The following AATK variants were observed in gnomAD, a reference collection of about 807,000 sequenced individuals.
The protein encoded by AATK is lemur tail kinase 1, also known as serine/threonine-protein kinase LMTK1.
Under a neutral mutation model 114.3 loss-of-function variants are expected in AATK, and 91 were observed. The observed-to-expected ratio is 0.80, with a 90% CI of 0.67 to 0.95. AATK has a LOEUF of 0.95. Ranked by LOEUF, AATK falls within the 40% of genes least tolerant of loss-of-function variation. The pLI, the probability that AATK is intolerant of heterozygous loss-of-function variation, is 0.00. For synonymous variants in AATK, 1,075 were observed against 916.5 expected, an observed-to-expected ratio of 1.17 and a Z score of -3.12; for missense variants, 2,176 against 1,965.2, an observed-to-expected ratio of 1.11 and a Z score of -2.03.
chr17:81,126,292 G>A lies in AATK; in HGVS notation c.755+135C>T, dbSNP rs961590455. On this transcript the variant is annotated intron_variant, in intron 7 of 13. Transcript: ENST00000326724. This position sits in a 1 kb window ranked among gnomAD's most constrained non-coding sequence, Gnocchi z 5.1. ...ACGTCATAAAATCCCTCTGCATAGT[G>A]GTTGTCTGATGCTGCATGAGATGAA... 8.7e-6 allele frequency: 10 copies of A among 1,148,582 alleles called. No homozygotes were observed. The South Asian group carries it at 9.6e-5, about 11-fold the overall frequency. 71.1% of individuals were successfully genotyped at this position (1,148,582 alleles called of 1,614,324 possible). A position where few individuals can be genotyped will look rare whatever the true frequency, so the allele number is the denominator to read the frequency against.
At chr17:81,120,171 C>T in intron 11 of AATK, 30 bp downstream of exon 11, 2 of 1,543,318 alleles carry the variant, frequency 1.3e-6, no homozygotes, top group Non-Finnish European at 1.8e-6. Flanking sequence ...ACCCCCAGCC[C>T]CGGGCAGACC....
chr17:81,128,665 CCTAGCACCAG>C, intron 3 of AATK, 116 bp from the exon 4 acceptor site: 1 of 1,501,688 alleles, frequency 6.7e-7, no homozygotes, highest in Non-Finnish European at 8.9e-7. Context: ...GTCCTGAGTC[CCTAGCACCAG>C]CTGGCAACCT....
chr17:81,117,530 CCCA>C lies in AATK; in HGVS notation c.*869_*871del, dbSNP rs1201309301. ...GCCCTGCCCCCAGCTCCACCCCTTC[CCCA>C]CCATCCCTCTCCCTGTAGGTAGGAG... On this transcript the variant is annotated 3_prime_UTR_variant, in exon 14 of 14. Coordinates refer to ENST00000326724, the MANE Select transcript of AATK (RefSeq NM_001080395.3). 6.6e-6 allele frequency: 1 copy of C among 152,338 alleles called. No homozygotes were observed. The highest frequency in any genetic ancestry group is 1.5e-5 in the Non-Finnish European group (1 of 68,074). 9.4% of individuals were successfully genotyped at this position (152,338 alleles called of 1,614,324 possible). A position where few individuals can be genotyped will look rare whatever the true frequency, so the allele number is the denominator to read the frequency against.
Position 81,121,982 on chromosome 17 carries a change from C to T in AATK, c.1954G>A (p.Gly652Arg), listed in dbSNP as rs1014674990. ...PLGTSPLGSS[G>R]APPLPLTGED... is the part of the protein sequence containing the mutation. Reference sequence around the variant, plus strand: ...CCAGTCAGCGGCAGCGGGGGCGCCCCTGAGCTCCCCAAAGGGGACGTGCCC... The same window carrying T: ...CCAGTCAGCGGCAGCGGGGGCGCCCTTGAGCTCCCCAAAGGGGACGTGCCC... Residue 652 changes from glycine (G) to arginine (R), a missense_variant, in exon 11 of 14, where the codon GGG becomes AGG. This residue lies in a region of AATK where 1,701 missense variants were observed against 1,394.7 expected (regional missense o/e 1.22). Coordinates refer to ENST00000326724, the MANE Select transcript of AATK (RefSeq NM_001080395.3). 25 of 1,601,468 alleles carry T rather than the reference C, an allele frequency of 1.6e-5. No individual in the cohort carries two copies. The highest frequency in any genetic ancestry group is 2.0e-5 in the Non-Finnish European group (24 of 1,178,534).
intron 2 of AATK, 59 bp from the exon 3 acceptor site, chr17:81,131,264 G>T (rs1314498547): frequency 6.7e-7 from 1 of 1,492,056 alleles, no homozygotes; most frequent in East Asian, 2.4e-5. Flanking sequence ...GGTGTGGCTG[G>T]GCCTGGAAAG....
chr17:81,159,358 G>T (rs907202904), intron 1 of AATK, among the ~76,000 whole-genome samples: 2 of 152,054 alleles, frequency 1.3e-5, no homozygotes, highest in Non-Finnish European at 2.9e-5. Flanking sequence ...GACCGGCCAG[G>T]TAGCAGTCCT....
intron 1 of AATK, among the ~76,000 whole-genome samples, chr17:81,137,497 G>A (rs992263039): frequency 4.6e-5 from 7 of 152,022 alleles, no homozygotes; most frequent in Admixed American, 2.0e-4. Context: ...ACCCACCGCC[G>A]CCTCTGCATT....
At chr17:81,147,581 C>A (rs1224842649) in intron 1 of AATK, among the ~76,000 whole-genome samples, 1 of 151,940 alleles carries the variant, frequency 6.6e-6, no homozygotes, top group Non-Finnish European at 1.5e-5. Flanking sequence ...ATGGCGAAAC[C>A]CCATTTAAAA....
intron 1 of AATK, among the ~76,000 whole-genome samples, chr17:81,141,382 C>G (rs1454796587): frequency 1.3e-5 from 2 of 152,184 alleles, no homozygotes; most frequent in Non-Finnish European, 2.9e-5. Flanking sequence ...ACCCAGGAGA[C>G]GGAGGTTGCG....
chr17:81,122,059 T>TCATCCGCTCCTC lies in AATK; in HGVS notation c.1876_1877insGAGGAGCGGATG (p.Glu625_Asp626insGlyGlyAlaAsp), dbSNP rs1442852702. The stretch of plus-strand genomic sequence containing the variant: ...GAAGGCGGCCACGCCCCAGTCTGCA[T>TCATCCGCTCCTC]CCTCCGCTCCTCCCTCCGCCAGACT... On this transcript the variant is annotated inframe_insertion, in exon 11 of 14. Transcript: ENST00000326724. 2 of 1,592,438 alleles carry TCATCCGCTCCTC rather than the reference T, an allele frequency of 1.3e-6. No homozygotes were observed. The highest frequency in any genetic ancestry group is 8.5e-7 in the Non-Finnish European group (1 of 1,176,746).
chr17:81,161,090 G>A (rs1002808092), intron 1 of AATK, among the ~76,000 whole-genome samples: 14 of 152,276 alleles, frequency 9.2e-5, no homozygotes, highest in African/African-American at 3.1e-4. Flanking sequence ...CTGATGTCTC[G>A]AGGCAGCTGT....
At chr17:81,159,264 C>G (rs1241945267) in intron 1 of AATK, among the ~76,000 whole-genome samples, 1 of 152,220 alleles carries the variant, frequency 6.6e-6, no homozygotes, top group Admixed American at 6.5e-5. Flanking sequence ...GCCCACGGGA[C>G]AGCCCACAAC....
chr17:81,128,403 A>C (rs973635556), intron 4 of AATK, 67 bp downstream of exon 4: 79 of 1,521,372 alleles, frequency 5.2e-5, no homozygotes, highest in Admixed American at 1.4e-4. Flanking sequence ...TAGGAGGAGC[A>C]GGTCTGCAGC....
chr17:81,151,017 TGAA>T (rs2061287909), intron 1 of AATK, among the ~76,000 whole-genome samples: 1 of 152,190 alleles, frequency 6.6e-6, no homozygotes, highest in African/African-American at 2.4e-5. Context: ...AGTTGCAGGC[TGAA>T]GTAGTAAGAT....
intron 1 of AATK, among the ~76,000 whole-genome samples, chr17:81,161,672 A>G (rs992354136): frequency 6.6e-6 from 1 of 152,060 alleles, no homozygotes; most frequent in African/African-American, 2.4e-5. Context: ...GCCGGACCCC[A>G]TTTCAGAGGT....
chr17:81,157,047 C>T (rs1252682683), intron 1 of AATK, among the ~76,000 whole-genome samples: 1 of 152,182 alleles, frequency 6.6e-6, no homozygotes, highest in Non-Finnish European at 1.5e-5. Context: ...CAGCCCTGAA[C>T]CATCCCCACA....
rs7220721 is a variant in AATK, at chr17:81,118,083, C to T, written c.*319G>A. On this transcript the variant is annotated 3_prime_UTR_variant, in exon 14 of 14. Coordinates refer to ENST00000326724, the MANE Select transcript of AATK (RefSeq NM_001080395.3). ...GGCAGGCAGGGCAGAGGGTGGGGGC[C>T]GCCGTGCCCAGGGGCACTGGCCCCT... is the stretch of plus-strand genomic sequence containing the variant. 0.048 allele frequency: 14,620 copies of T among 302,040 alleles called. 604 individuals are homozygous for T. The highest frequency in any genetic ancestry group is 0.14 in the African/African-American group (6,481 of 46,232). 18.7% of individuals were successfully genotyped at this position (302,040 alleles called of 1,614,324 possible).
At chr17:81,120,180 C>T (rs1190746059) in intron 11 of AATK, 21 bp downstream of exon 11, 2 of 1,550,328 alleles carry the variant, frequency 1.3e-6, no homozygotes, top group Admixed American at 3.7e-5. Flanking sequence ...CCCGGGCAGA[C>T]CCCGGGTGGC....
At chr17:81,152,368 T>C (rs28864821) in intron 1 of AATK, among the ~76,000 whole-genome samples, 49,347 of 152,038 alleles carry the variant, frequency 0.32, 8,148 homozygotes, top group Non-Finnish European at 0.36. Flanking sequence ...GGAGGATCAC[T>C]TGAGCCCAGG....
Sources: allele counts gnomAD v4.1 joint callset (sites outside exome capture counted in the v4.1 genomes callset), GRCh38; gene constraint gnomAD v4.1.1; regional missense constraint gnomAD v4.1.1; non-coding constraint Gnocchi (gnomAD v3.1); transcripts MANE v1.5; gene names NCBI Gene and HGNC (gene_info 2026-07-23, HGNC 2026-07-21).